Variants in GON4L observed in about 807,000 individuals in gnomAD.
GON4L encodes GON-4-like protein.
Under a neutral mutation model 211.8 loss-of-function variants are expected in GON4L, and 87 were observed. That is an observed-to-expected ratio of 0.41 (90% CI 0.35 to 0.49). The LOEUF (loss-of-function observed/expected upper bound fraction) is 0.49, where lower values mean the gene tolerates loss of function less well. Among genes scored for constraint, GON4L ranks in the 20% least tolerant of loss-of-function variants. The pLI is 0.15. For missense variants in GON4L, 2,155 were observed against 2,659.5 expected, an observed-to-expected ratio of 0.81 and a Z score of 4.17; for synonymous variants, 875 against 962.6, an observed-to-expected ratio of 0.91 and a Z score of 1.68.
intron 2 of GON4L, among the ~76,000 whole-genome samples, chr1:155,833,598 A>G (rs1226243020): frequency 7.7e-6 from 1 of 129,786 alleles, no homozygotes; most frequent in East Asian, 2.5e-4. Flanking sequence ...GTGAGCCGAG[A>G]TCACACCACT....
chr1:155,850,893 CAA>C (rs1054559671), intron 2 of GON4L, among the ~76,000 whole-genome samples: 1 of 127,890 alleles, frequency 7.8e-6, no homozygotes, highest in Non-Finnish European at 1.7e-5. Context: ...AACTAAAATA[CAA>C]AAAAAAAAAA....
intron 2 of GON4L, among the ~76,000 whole-genome samples, chr1:155,843,658 T>C (rs542212770): frequency 5.3e-5 from 8 of 152,176 alleles, no homozygotes; most frequent in African/African-American, 1.9e-4. Flanking sequence ...GCAAACGGGA[T>C]CCCACTGGTA....
chr1:155,766,278 ACT>A lies in GON4L; in HGVS notation c.3193_3194del (p.Ser1065PhefsTer2). Reference sequence around the variant, plus strand: ...CAGGCAGTGCTGCAGGAGACTCAAAACTCTCACCTCCACTGACCCCCAGTGGA... The same window carrying A: ...CAGGCAGTGCTGCAGGAGACTCAAAACTCACCTCCACTGACCCCCAGTGGA... ...VPPLGVSGGE[S>X]FESPAALPAV... On this transcript the variant is annotated frameshift_variant, in exon 21 of 32. Transcript: ENST00000368331. LOFTEE classifies it high-confidence loss of function. 2 of 1,613,842 alleles carry A rather than the reference ACT, an allele frequency of 1.2e-6. No individual in the cohort carries two copies. The highest frequency in any genetic ancestry group is 8.5e-7 in the Non-Finnish European group (1 of 1,179,964).
Position 155,815,900 on chromosome 1 carries a change from G to C in GON4L, c.1066C>G (p.Pro356Ala). The change falls in exon 8 of 32, where the codon CCT becomes GCT. Residue 356 changes from proline (P) to alanine (A), a missense_variant and splice_region_variant. By Grantham distance (27) the Pro-to-Ala change is conservative. Coordinates refer to ENST00000368331, the MANE Select transcript of GON4L (RefSeq NM_001282860.2). ...AGGTGGATATCCACAAACTGAGGAG[G>C]CTACATTAGTACAATTAGAAAGAAA... ...SPIKKANEIK[P>A]PQFVDIHLEE... 1 of 1,514,634 alleles carries C rather than the reference G, an allele frequency of 6.6e-7. No individual in the cohort carries two copies. The highest frequency in any genetic ancestry group is 9.2e-7 in the Non-Finnish European group (1 of 1,089,880). The allele number at this position is 1,514,634 out of a possible 1,614,324, so 93.8% of individuals were successfully genotyped here.
At chr1:155,844,445 T>C (rs1309599668) in intron 2 of GON4L, among the ~76,000 whole-genome samples, 2 of 152,118 alleles carry the variant, frequency 1.3e-5, no homozygotes, top group African/African-American at 4.8e-5. Context: ...ACCCCAACTA[T>C]ATCTGGTTGA....
rs1667984707 is a variant in GON4L at position 155,813,655 on chromosome 1, T to C, written c.1431A>G (p.Pro477=). Residue 477 remains proline, a synonymous_variant, in exon 10 of 32, where the codon CCA becomes CCG. Transcript: ENST00000368331. ...TTACCTGGAAAGAATCCATGCAGAC[T>C]GGACTGGAAGCCAGCTCCTCATCTA... ...HAVDEELASS[P]VCMDSFQPMD... The C allele has an allele frequency of 1.2e-6, 2 of 1,612,618 alleles. No individual in the cohort carries two copies. Among genetic ancestry groups the C allele is most frequent in the South Asian group, 1.1e-5 (1 of 91,072 alleles).
At chr1:155,815,278 A>ATT (rs1480526307) in intron 8 of GON4L, among the ~76,000 whole-genome samples, 2 of 152,230 alleles carry the variant, frequency 1.3e-5, no homozygotes, top group Non-Finnish European at 2.9e-5. Context: ...AGCTAAAACC[A>ATT]ATAGTATAAA....
rs553857211 is a variant in GON4L at position 155,816,089 on chromosome 1, G to GA, written c.1065+122dup. ...ATACAAACCTAAGAGTAATAGAATG[G>GA]AAAAAAACAAAGCTGGAATTAAAAC... On this transcript the variant is annotated intron_variant, in intron 7 of 31. Coordinates refer to ENST00000368331, the MANE Select transcript of GON4L (RefSeq NM_001282860.2). 2.0e-4 allele frequency: 141 copies of GA among 704,622 alleles called. 2 individuals are homozygous for GA. In the East Asian group the frequency reaches 3.2e-3, roughly 16 times the overall value. 43.6% of individuals were successfully genotyped at this position (704,622 alleles called of 1,614,324 possible). A position where few individuals can be genotyped will look rare whatever the true frequency, so the allele number is the denominator to read the frequency against.
Position 155,828,581 on chromosome 1 carries a change from T to C in GON4L, c.506-1553A>G, listed in dbSNP as rs182881928. Among the ~76,000 whole-genome samples the C allele has an allele frequency of 7.5e-3, 1,131 of 149,842 alleles. 6 individuals are homozygous for C. Among genetic ancestry groups the C allele is most frequent in the Admixed American group, 0.011 (169 of 14,970 alleles). Reference sequence around the variant, plus strand: ...CAGCACTTTGGGAGGCTGAGATGGGTGGATCACTTGAGGTCAGGAGTTTGA... The same window carrying C: ...CAGCACTTTGGGAGGCTGAGATGGGCGGATCACTTGAGGTCAGGAGTTTGA... On this transcript the variant is annotated intron_variant, in intron 2 of 31. Coordinates refer to ENST00000368331, the MANE Select transcript of GON4L (RefSeq NM_001282860.2).
chr1:155,806,846 C>T (rs763332738), intron 10 of GON4L, among the ~76,000 whole-genome samples: 20 of 151,940 alleles, frequency 1.3e-4, no homozygotes, highest in Non-Finnish European at 2.8e-4. Context: ...CTCACACCTG[C>T]AATCCCAACA....
At chr1:155,766,945 C>T (rs555340596) in intron 20 of GON4L, 5 of 596,364 alleles carry the variant, frequency 8.4e-6, no homozygotes, top group South Asian at 3.9e-5. Flanking sequence ...ACTCAGGAGG[C>T]GGAGGCAGGA....
At chr1:155,809,865 T>A (rs1438499344) in intron 10 of GON4L, among the ~76,000 whole-genome samples, 2 of 11,106 alleles carry the variant, frequency 1.8e-4, no homozygotes, top group African/African-American at 2.6e-4. Context: ...AATTATATAC[T>A]TATATATAAT....
intron 10 of GON4L, among the ~76,000 whole-genome samples, chr1:155,811,252 G>T (rs539660081): frequency 3.8e-4 from 58 of 151,136 alleles, no homozygotes; most frequent in African/African-American, 1.4e-3. Context: ...AATTAGCCGC[G>T]CATGGTGCGG....
At chr1:155,845,172 G>A (rs1036682563) in intron 2 of GON4L, among the ~76,000 whole-genome samples, 2 of 152,186 alleles carry the variant, frequency 1.3e-5, no homozygotes, top group Admixed American at 6.5e-5. Context: ...CAGAGAGCCT[G>A]CTGAACAAAA....
At chr1:155,838,259 AAATT>A (rs1670483647) in intron 2 of GON4L, among the ~76,000 whole-genome samples, 1 of 152,132 alleles carries the variant, frequency 6.6e-6, no homozygotes, top group Admixed American at 6.6e-5. Flanking sequence ...TTGTCTCAAA[AAATT>A]AATTAATTAA....
chr1:155,810,274 G>A (rs1667628607), intron 10 of GON4L, among the ~76,000 whole-genome samples: 1 of 151,534 alleles, frequency 6.6e-6, no homozygotes, highest in African/African-American at 2.4e-5. Context: ...GATTACAGGT[G>A]TGAGCCACCA....
chr1:155,746,710 A>G, downstream of GON4L: 2 of 999,318 alleles, frequency 2.0e-6, no homozygotes, highest in South Asian at 1.5e-5. Flanking sequence ...ATGTATGGAT[A>G]AGGGTGGGGA....
intron 23 of GON4L, among the ~76,000 whole-genome samples, chr1:155,761,482 C>T (rs1051122865): frequency 4.0e-5 from 6 of 151,224 alleles, no homozygotes; most frequent in East Asian, 1.9e-4. Flanking sequence ...AGGGCCACAG[C>T]GCCCAGCCTG....
intron 2 of GON4L, among the ~76,000 whole-genome samples, chr1:155,832,495 C>T (rs1329575977): frequency 6.6e-6 from 1 of 151,560 alleles, no homozygotes; most frequent in Non-Finnish European, 1.5e-5. Flanking sequence ...AAAAATTAGC[C>T]AGGTGTGGTG....
Sources: allele counts gnomAD v4.1 joint callset (sites outside exome capture counted in the v4.1 genomes callset), GRCh38; gene constraint gnomAD v4.1.1; transcripts MANE v1.5; gene names NCBI Gene and HGNC (gene_info 2026-07-23, HGNC 2026-07-21).